ERGIC1: variants seen among roughly 807,000 people sequenced by gnomAD.
The protein encoded by ERGIC1 is endoplasmic reticulum-golgi intermediate compartment 1.
ERGIC1 carries 19 observed loss-of-function variants against 38.3 expected under a neutral mutation model. The ratio of observed to expected loss-of-function variants is 0.50; its 90% CI spans 0.35 to 0.73. The LOEUF (loss-of-function observed/expected upper bound fraction) is 0.73, where lower values mean the gene tolerates loss of function less well. ERGIC1 is among the 30% of genes least tolerant of loss of function. The pLI, the probability that ERGIC1 is intolerant of heterozygous loss-of-function variation, is 0.01. For synonymous variants in ERGIC1, 124 were observed against 157.6 expected (o/e 0.79, Z 1.60); for missense variants, 294 against 389.2 (o/e 0.76, Z 2.06).
intron 7 of ERGIC1, among the ~76,000 whole-genome samples, chr5:172,930,303 A>C (rs1193547269): frequency 6.6e-6 from 1 of 151,644 alleles, no homozygotes; most frequent in Non-Finnish European, 1.5e-5. Flanking sequence ...GAGGATGGTG[A>C]ATTTATGGTG....
At position 172,900,322 on chromosome 5, in the gene ERGIC1, C is replaced by T. The variant is rs531685658; in HGVS notation, c.155+3248C>T. On this transcript the variant is annotated intron_variant, in intron 3 of 9. Transcript: ENST00000393784. ...GTGTTCCCACTGCTCCCCATTCCCCCGTGCCAGGACTTCCTCTCCCTCTCT... is the reference window on the plus strand; with the variant it reads ...GTGTTCCCACTGCTCCCCATTCCCCTGTGCCAGGACTTCCTCTCCCTCTCT... Among the ~76,000 whole-genome samples, 18 of 152,292 alleles carry T rather than the reference C, an allele frequency of 1.2e-4. No homozygotes were observed. In the South Asian group the frequency reaches 3.1e-3, roughly 26 times the overall value.
At chr5:172,890,579 GT>G (rs1159571728) in intron 2 of ERGIC1, among the ~76,000 whole-genome samples, 2 of 152,208 alleles carry the variant, frequency 1.3e-5, no homozygotes, top group Non-Finnish European at 2.9e-5. Context: ...ACAGTAAAAA[GT>G]TTTAAAAACA....
intron 1 of ERGIC1, among the ~76,000 whole-genome samples, chr5:172,853,102 TG>T (rs1304170635): frequency 9.4e-6 from 1 of 106,256 alleles, no homozygotes; most frequent in African/African-American, 3.2e-5. Context: ...TGTGTGAAAC[TG>T]TGTGTTCATG....
At chr5:172,887,066 C>A (rs114975240) in intron 1 of ERGIC1, among the ~76,000 whole-genome samples, 2,882 of 152,284 alleles carry the variant, frequency 0.019, 110 homozygotes, top group African/African-American at 0.065. Flanking sequence ...TTTTTCTCCC[C>A]TGAGGTCTTA....
At chr5:172,836,411 G>C (rs1761038602) in intron 1 of ERGIC1, among the ~76,000 whole-genome samples, 1 of 152,204 alleles carries the variant, frequency 6.6e-6, no homozygotes, top group Non-Finnish European at 1.5e-5. Context: ...TGAGTGCCCA[G>C]GTGTCAGGGG....
At chr5:172,947,163 A>T (rs1232841473) in intron 9 of ERGIC1, among the ~76,000 whole-genome samples, 1 of 144,124 alleles carries the variant, frequency 6.9e-6, no homozygotes, top group Non-Finnish European at 1.5e-5. Flanking sequence ...AATCTGGGCG[A>T]CAAGAGTGAG....
At chr5:172,910,079 T>C (rs912898841) in intron 4 of ERGIC1, among the ~76,000 whole-genome samples, 8 of 152,024 alleles carry the variant, frequency 5.3e-5, no homozygotes, top group African/African-American at 9.7e-5. Context: ...GGGAGGAAGC[T>C]GTAAGGGAGA....
At chr5:172,949,594 C>G (rs1764189788) in intron 9 of ERGIC1, among the ~76,000 whole-genome samples, 1 of 149,698 alleles carries the variant, frequency 6.7e-6, no homozygotes, top group Non-Finnish European at 1.5e-5. Flanking sequence ...CAACCAGGGG[C>G]AATTTTGACA....
chr5:172,911,980 C>A (rs950056307), intron 4 of ERGIC1, among the ~76,000 whole-genome samples: 26 of 151,980 alleles, frequency 1.7e-4, no homozygotes, highest in African/African-American at 6.3e-4. Flanking sequence ...TGTCTGTGAA[C>A]ATATATTGGG....
chr5:172,882,543 C>T (rs1228204967), intron 1 of ERGIC1, among the ~76,000 whole-genome samples: 1 of 152,122 alleles, frequency 6.6e-6, no homozygotes, highest in Non-Finnish European at 1.5e-5. Flanking sequence ...CTAGCTCTGC[C>T]ACTCACTGGC....
intron 4 of ERGIC1, among the ~76,000 whole-genome samples, chr5:172,912,400 T>C (rs551677228): frequency 9.0e-4 from 137 of 152,364 alleles, no homozygotes; most frequent in African/African-American, 3.2e-3. Flanking sequence ...TGTTTTGTTT[T>C]GTTTTGAGAC....
Position 172,834,384 on chromosome 5 carries a change from TG to T in ERGIC1, c.-29del. The T allele has an allele frequency of 7.6e-7, 1 of 1,310,304 alleles. No homozygotes were observed. Among genetic ancestry groups the T allele is most frequent in the Non-Finnish European group, 9.7e-7 (1 of 1,027,878 alleles). 81.2% of individuals were successfully genotyped at this position (1,310,304 alleles called of 1,614,324 possible). Reference sequence around the variant, plus strand: ...ACGCGGCGCCGCGGCCCGCCTGGCCTGCAGCGCTCCCACCCCCGGCGGCGGC... The same window carrying T: ...ACGCGGCGCCGCGGCCCGCCTGGCCTCAGCGCTCCCACCCCCGGCGGCGGC... On this transcript the variant is annotated 5_prime_UTR_variant, in exon 1 of 10. Transcript: ENST00000393784. This position sits in a 1 kb window ranked among gnomAD's most constrained non-coding sequence, Gnocchi z 4.1.
At chr5:172,863,274 G>T (rs558366022) in intron 1 of ERGIC1, among the ~76,000 whole-genome samples, 11 of 152,310 alleles carry the variant, frequency 7.2e-5, no homozygotes, top group African/African-American at 2.4e-4. Flanking sequence ...ACTAAAAAGT[G>T]AGATTATTAA....
rs926351008 is a variant in ERGIC1 at position 172,847,822 on chromosome 5, A to G, written c.20+13389A>G. ...GCCACCACGCCCGGCCACATGTGTT[A>G]TTTACTTAATATTTTTTCTTTGAAT... On this transcript the variant is annotated intron_variant, in intron 1 of 9. Transcript: ENST00000393784. Among the ~76,000 whole-genome samples, 3 of 152,130 alleles carry G rather than the reference A, an allele frequency of 2.0e-5. No individual in the cohort carries two copies. In the South Asian group the frequency reaches 6.2e-4, roughly 31 times the overall value.
At chr5:172,888,665 C>A in intron 1 of ERGIC1, 34 bp from the exon 2 acceptor site, 2 of 1,595,734 alleles carry the variant, frequency 1.3e-6, no homozygotes, top group South Asian at 1.1e-5. Flanking sequence ...ACCCTTTGTG[C>A]CCACCTCACT....
At chr5:172,839,382 GACCCC>G (rs571468374) in intron 1 of ERGIC1, among the ~76,000 whole-genome samples, 665 of 39,372 alleles carry the variant, frequency 0.017, 6 homozygotes, top group African/African-American at 0.1. Context: ...AACATAGCAA[GACCCC>G]AGACCCCATC....
intron 1 of ERGIC1, among the ~76,000 whole-genome samples, chr5:172,835,914 T>G (rs928059531): frequency 2.6e-5 from 4 of 152,216 alleles, no homozygotes; most frequent in African/African-American, 9.7e-5. Flanking sequence ...CAGTTAAGTC[T>G]GGGCCATAAG....
intron 8 of ERGIC1, chr5:172,934,922 A>AT (rs1351851957): frequency 2.1e-6 from 1 of 484,440 alleles, no homozygotes; most frequent in Non-Finnish European, 3.8e-6. Context: ...CTGCTTTCTA[A>AT]TTTATTTTCT....
At chr5:172,919,893 G>A (rs946949072) in intron 5 of ERGIC1, among the ~76,000 whole-genome samples, 3 of 152,132 alleles carry the variant, frequency 2.0e-5, no homozygotes, top group African/African-American at 7.2e-5. Context: ...TCTTAGACCC[G>A]CGTTATGGCT....
Sources: allele counts gnomAD v4.1 joint callset (sites outside exome capture counted in the v4.1 genomes callset), GRCh38; gene constraint gnomAD v4.1.1; non-coding constraint Gnocchi (gnomAD v3.1); transcripts MANE v1.5; gene names NCBI Gene and HGNC (gene_info 2026-07-23, HGNC 2026-07-21).